The following RYR2 variants were observed in gnomAD, a reference collection of about 807,000 sequenced individuals.
The protein encoded by RYR2 is cardiac muscle ryanodine receptor-calcium release channel.
RYR2 carries 227 observed loss-of-function variants against 601.1 expected under a neutral mutation model. The ratio of observed to expected loss-of-function variants is 0.38; its 90% CI spans 0.34 to 0.42. The LOEUF is 0.42. RYR2 is among the 10% of genes least tolerant of loss of function. RYR2 has a pLI of 1.00. For synonymous variants in RYR2, 2,223 were observed against 2,175.1 expected (o/e 1.02, Z -0.61); for missense variants, 4,646 against 6,156.5 (o/e 0.75, Z 8.21).
rs1396641144 is a variant in RYR2, at chr1:237,784,561, C to G, written c.12849C>G (p.Phe4283Leu). 1 of 1,613,962 alleles carries G rather than the reference C, an allele frequency of 6.2e-7. No homozygotes were observed. Among genetic ancestry groups the G allele is most frequent in the Non-Finnish European group, 8.5e-7 (1 of 1,179,876 alleles). ...CCGTGAAGGACATGGTCACGGCCTTCTTTTCATCCTACTGGAGTATTTTCA... is the reference window on the plus strand; with the variant it reads ...CCGTGAAGGACATGGTCACGGCCTTGTTTTCATCCTACTGGAGTATTTTCA... ...KMTVKDMVTA[F>L]FSSYWSIFMT... Residue 4283 changes from phenylalanine (F) to leucine (L), a missense_variant, in exon 90 of 105, where the codon TTC (phenylalanine) becomes TTG (leucine). Around this residue, in one of 17 missense-constraint regions of RYR2, gnomAD observed 364 missense variants for 442.9 expected, o/e 0.82. Coordinates refer to ENST00000366574, the MANE Select transcript of RYR2 (RefSeq NM_001035.3). The surrounding 1 kb of genome is among the most constrained non-coding windows in gnomAD (Gnocchi z 7.1).
rs942380924 is a variant in RYR2, at chr1:237,387,149, A to G, written c.577-132A>G. ...TTCTGACTAGTTTTTTGATTCTTGA[A>G]TGACAGGTTGAAACAGATGTTCTCT... On this transcript the variant is annotated intron_variant, in intron 8 of 104. Coordinates refer to ENST00000366574, the MANE Select transcript of RYR2 (RefSeq NM_001035.3). The G allele has an allele frequency of 2.5e-5, 19 of 768,568 alleles. No homozygotes were observed. The East Asian group carries it at 3.6e-4, about 15-fold the overall frequency. The allele number at this position is 768,568 out of a possible 1,614,324, so 47.6% of individuals were successfully genotyped here.
rs145855211 is a variant in RYR2 at position 237,406,084 on chromosome 1, A to T, written c.774-10965A>T. On this transcript the variant is annotated intron_variant, in intron 10 of 104. Coordinates refer to ENST00000366574, the MANE Select transcript of RYR2 (RefSeq NM_001035.3). ...CTTACTCAGCTCCAGGAGTGAACCC[A>T]AATATCTCCCTCATGAAAACTTTGC... 9.1e-3 allele frequency among the ~76,000 whole-genome samples: 1,373 copies of T among 150,188 alleles called. 35 individuals carry two copies. Among genetic ancestry groups the T allele is most frequent in the African/African-American group, 0.032 (1,312 of 40,982 alleles).
At chr1:237,573,492 G>A (rs187008197) in intron 29 of RYR2, among the ~76,000 whole-genome samples, 1 of 149,772 alleles carries the variant, frequency 6.7e-6, no homozygotes, top group African/African-American at 2.4e-5. Context: ...TTAAATCCAG[G>A]GGGGAGCTAT....
intron 47 of RYR2, among the ~76,000 whole-genome samples, chr1:237,641,807 G>T (rs1387891155): frequency 2.0e-5 from 3 of 152,186 alleles, no homozygotes; most frequent in Admixed American, 6.5e-5. Context: ...CTCCCAAAGT[G>T]CTGGGCTTAC....
chr1:237,499,256 C>A (rs759542025), intron 20 of RYR2, among the ~76,000 whole-genome samples: 1 of 151,900 alleles, frequency 6.6e-6, no homozygotes, highest in African/African-American at 2.4e-5. Flanking sequence ...TTAAACTTTG[C>A]GGTGTTGCTA....
chr1:237,069,585 G>C (rs539490116), intron 1 of RYR2, among the ~76,000 whole-genome samples: 42 of 152,172 alleles, frequency 2.8e-4, no homozygotes, highest in South Asian at 6.2e-4. Context: ...GAAAATGCTT[G>C]ATGATTTTTT....
intron 32 of RYR2, 87 bp from the exon 33 acceptor site, chr1:237,593,389 C>A: frequency 7.6e-7 from 1 of 1,307,218 alleles, no homozygotes. Flanking sequence ...AAGTCATTCA[C>A]AGACTTAGAC....
At chr1:237,795,430 A>G in intron 96 of RYR2, 99 bp downstream of exon 96, 1 of 618,220 alleles carries the variant, frequency 1.6e-6, no homozygotes, top group South Asian at 2.1e-5. Context: ...GGTATAATTT[A>G]TCTGCCTATT....
Position 237,757,743 on chromosome 1 carries a change from T to C in RYR2, c.11292T>C (p.Ala3764=). Residue 3764 remains alanine (A), a synonymous_variant, in exon 82 of 105, where the codon GCT becomes GCC. Coordinates refer to ENST00000366574, the MANE Select transcript of RYR2 (RefSeq NM_001035.3). ...CAGCTACTCTGAAACTTGGAATTGCTATTTTAAATGGTGGGAACTCCACAG... is the reference window on the plus strand; with the variant it reads ...CAGCTACTCTGAAACTTGGAATTGCCATTTTAAATGGTGGGAACTCCACAG... ...MVAATLKLGI[A]ILNGGNSTVQ... 1 of 1,612,076 alleles carries C rather than the reference T, an allele frequency of 6.2e-7. No homozygotes were observed.
At chr1:237,059,788 G>A (rs763919284) in intron 1 of RYR2, among the ~76,000 whole-genome samples, 2 of 152,070 alleles carry the variant, frequency 1.3e-5, no homozygotes, top group South Asian at 2.1e-4. Context: ...GATTGACCAC[G>A]GTTGATAATT....
chr1:237,754,461 A>G (rs1692780559), intron 80 of RYR2, among the ~76,000 whole-genome samples: 1 of 152,172 alleles, frequency 6.6e-6, no homozygotes, highest in Non-Finnish European at 1.5e-5. Flanking sequence ...AGTGTGTGGC[A>G]TGTTGCCATC....
intron 3 of RYR2, among the ~76,000 whole-genome samples, chr1:237,331,282 T>C (rs768231959): frequency 6.6e-6 from 1 of 152,372 alleles, no homozygotes; most frequent in East Asian, 1.9e-4. Flanking sequence ...AGAGCTGTTA[T>C]TGTTATTATT....
intron 14 of RYR2, among the ~76,000 whole-genome samples, chr1:237,447,773 G>GTCTCTCTCTCC (rs146512050): frequency 0.1 from 15,228 of 150,458 alleles, 1,194 homozygotes; most frequent in African/African-American, 0.22. Flanking sequence ...CTTTCCGTCT[G>GTCTCTCTCTCC]TCTCTCTCTC....
chr1:237,328,713 CTTTAA>C (rs1209194690), intron 2 of RYR2, among the ~76,000 whole-genome samples: 1 of 152,020 alleles, frequency 6.6e-6, no homozygotes, highest in Non-Finnish European at 1.5e-5. Flanking sequence ...ATAATTTTAG[CTTTAA>C]TTTGAGAACT....
chr1:237,264,856 T>C lies in RYR2; in HGVS notation c.49-5641T>C, dbSNP rs1688896171. Among the ~76,000 whole-genome samples the C allele has an allele frequency of 2.0e-5, 3 of 151,374 alleles. 1 individual carries two copies. The highest frequency in any genetic ancestry group is 2.9e-5 in the Non-Finnish European group (2 of 67,854). On this transcript the variant is annotated intron_variant, in intron 1 of 104. Coordinates refer to ENST00000366574, the MANE Select transcript of RYR2 (RefSeq NM_001035.3). Reference sequence around the variant, plus strand: ...GATTACAGGTACCCACCACCATGCCTGGTTAATTTTTGTATTTTTTTTTTT... The same window carrying C: ...GATTACAGGTACCCACCACCATGCCCGGTTAATTTTTGTATTTTTTTTTTT...
At chr1:237,700,493 T>G (rs1010002954) in intron 65 of RYR2, 26 bp downstream of exon 65, 15 of 1,213,638 alleles carry the variant, frequency 1.2e-5, no homozygotes, top group Non-Finnish European at 1.3e-5. Context: ...TCTTGGAGTT[T>G]TTTTTTTTTT....
chr1:237,813,658 A>T (rs938993466), intron 100 of RYR2, among the ~76,000 whole-genome samples: 1 of 152,128 alleles, frequency 6.6e-6, no homozygotes, highest in Non-Finnish European at 1.5e-5. Context: ...GCCTAATTTC[A>T]TGGGGGCATG....
At chr1:237,226,124 A>G (rs1012831388) in intron 1 of RYR2, among the ~76,000 whole-genome samples, 1 of 152,188 alleles carries the variant, frequency 6.6e-6, no homozygotes, top group African/African-American at 2.4e-5. Flanking sequence ...AATCTAGTGA[A>G]AAGTTCACAT....
intron 1 of RYR2, among the ~76,000 whole-genome samples, chr1:237,265,644 T>C (rs1688992668): frequency 6.6e-6 from 1 of 152,166 alleles, no homozygotes; most frequent in Non-Finnish European, 1.5e-5. Context: ...TTTTGGCTTT[T>C]ATCTTTAGAG....
Sources: gnomAD v4.1 joint callset for allele counts (sites outside exome capture counted in the v4.1 genomes callset) on GRCh38, gnomAD v4.1.1 for gene constraint, gnomAD v4.1.1 regional missense constraint, Gnocchi (gnomAD v3.1) non-coding constraint, MANE v1.5 for transcripts, NCBI Gene and HGNC (gene_info 2026-07-23, HGNC 2026-07-21) for gene names.